Variants in APC observed in about 807,000 individuals in gnomAD.
APC encodes the protein APC regulator of Wnt signaling pathway, also known as adenomatous polyposis coli protein.
APC carries 72 observed loss-of-function variants against 247.0 expected under a neutral mutation model. The observed-to-expected ratio is 0.29, with a 90% CI of 0.24 to 0.35. The LOEUF (loss-of-function observed/expected upper bound fraction) is 0.35. Ranked by LOEUF, APC falls within the 10% of genes least tolerant of loss-of-function variation. The probability of loss-of-function intolerance (pLI) is 1.00; values close to 1 mark genes in which losing one functional copy is unlikely to be tolerated. For missense variants in APC, 3,400 were observed against 3,360.7 expected (o/e 1.01, Z -0.29); for synonymous variants, 1,254 against 1,162.5 (o/e 1.08, Z -1.60).
At chr5:112,730,423 C>T (rs754482517) in intron 1 of APC, among the ~76,000 whole-genome samples, 11 of 152,128 alleles carry the variant, frequency 7.2e-5, no homozygotes, top group African/African-American at 1.7e-4. Context: ...GCTTTGAAGG[C>T]GGACTGCCAT....
intron 1 of APC, among the ~76,000 whole-genome samples, chr5:112,732,765 T>C (rs1179955640): frequency 6.6e-6 from 1 of 152,114 alleles, no homozygotes; most frequent in Non-Finnish European, 1.5e-5. Context: ...ATAAAAGATG[T>C]AGGAACAATG....
At position 112,755,010 on chromosome 5, in the gene APC, G is replaced by T. The variant is rs142720069; in HGVS notation, c.120G>T (p.Glu40Asp). Residue 40 changes from glutamate to aspartate, a missense_variant, in exon 2 of 16, where the codon GAG becomes GAT. This residue lies in a region of APC where 372 missense variants were observed against 367.6 expected (regional missense o/e 1.01). Coordinates refer to ENST00000257430, the MANE Select transcript of APC (RefSeq NM_000038.6). ...ATCATCTTACAAAACTGGAAACTGA[G>T]GCATCTAATATGAAGGTATCAAGAC... Reference protein sequence around the residue: ...NSNHLTKLETEASNMKEVLKQ... With the variant: ...NSNHLTKLETDASNMKEVLKQ... 6.2e-7 allele frequency: 1 copy of T among 1,613,606 alleles called. No individual in the cohort carries two copies. The highest frequency in any genetic ancestry group is 8.5e-7 in the Non-Finnish European group (1 of 1,179,704).
intron 2 of APC, 171 bp downstream of exon 2, chr5:112,755,196 T>A: frequency 2.0e-6 from 1 of 512,596 alleles, no homozygotes; most frequent in Non-Finnish European, 2.5e-6. Context: ...ATATATTGAA[T>A]TCATTCAGTG....
rs1006392625 is a variant in APC, at chr5:112,821,854, A to C, written c.1313-42A>C. 2.7e-6 allele frequency: 4 copies of C among 1,477,784 alleles called. No individual in the cohort carries two copies. In the Admixed American group the frequency reaches 6.7e-5, roughly 25 times the overall value. The allele number at this position is 1,477,784 out of a possible 1,614,324, so 91.5% of individuals were successfully genotyped here. ...AGTACAATAAACATCATTGCTCTTCAAATAACAAAGCATTATGGTTTATGT... is the reference window on the plus strand; with the variant it reads ...AGTACAATAAACATCATTGCTCTTCCAATAACAAAGCATTATGGTTTATGT... On this transcript the variant is annotated intron_variant, in intron 10 of 15. Transcript: ENST00000257430.
At chr5:112,791,719 A>G (rs913611691) in intron 6 of APC, among the ~76,000 whole-genome samples, 2 of 152,168 alleles carry the variant, frequency 1.3e-5, no homozygotes, top group East Asian at 1.9e-4. Context: ...CTGGTATACT[A>G]TGTTTATATA....
At chr5:112,825,487 G>A (rs1763552698) in intron 11 of APC, among the ~76,000 whole-genome samples, 1 of 152,170 alleles carries the variant, frequency 6.6e-6, no homozygotes, top group South Asian at 2.1e-4. Context: ...TTCAGGCCCA[G>A]GGGCCCTTTC....
chr5:112,801,257 G>C lies in APC; in HGVS notation c.730-22G>C, dbSNP rs115634618. On this transcript the variant is annotated intron_variant, in intron 7 of 15. Coordinates refer to ENST00000257430, the MANE Select transcript of APC (RefSeq NM_000038.6). The stretch of plus-strand genomic sequence containing the variant: ...AGCCTACACCATTTTTGCATGTACT[G>C]ATGTTAACTCCATCTTAACAGAGGT... 5.2e-4 allele frequency: 838 copies of C among 1,599,252 alleles called. 1 individual carries two copies. The highest frequency in any genetic ancestry group is 1.2e-3 in the Middle Eastern group (7 of 6,020).
At chr5:112,811,684 G>T (rs531409728) in intron 8 of APC, among the ~76,000 whole-genome samples, 2 of 152,326 alleles carry the variant, frequency 1.3e-5, no homozygotes, top group East Asian at 3.9e-4. Context: ...ATGTTTTATT[G>T]TGGAAACAGG....
chr5:112,725,716 A>C (rs549447603), intron 1 of APC, among the ~76,000 whole-genome samples: 1 of 152,144 alleles, frequency 6.6e-6, no homozygotes, highest in Non-Finnish European at 1.5e-5. Flanking sequence ...AGGTGTGATC[A>C]TGCCACTGCA....
At position 112,775,683 on chromosome 5, in the gene APC, C is replaced by G. The variant is rs863224281; in HGVS notation, c.477C>G (p.Tyr159Ter). ...AAGAAAAGGAAAAAGACTGGTATTACGCTCAACTTCAGAATCTCACTAAAA... is the reference window on the plus strand; with the variant it reads ...AAGAAAAGGAAAAAGACTGGTATTAGGCTCAACTTCAGAATCTCACTAAAA... ...DKEEKEKDWY[Y>*]AQLQNLTKRI... The change falls in exon 5 of 16, where the codon TAC (tyrosine) becomes TAG (stop). Residue 159 changes from tyrosine to a stop codon, truncating the protein, a stop_gained. Coordinates refer to ENST00000257430, the MANE Select transcript of APC (RefSeq NM_000038.6). LOFTEE classifies it high-confidence loss of function. 6.2e-7 allele frequency: 1 copy of G among 1,606,910 alleles called. No homozygotes were observed. The highest frequency in any genetic ancestry group is 8.5e-7 in the Non-Finnish European group (1 of 1,176,998).
intron 8 of APC, among the ~76,000 whole-genome samples, chr5:112,805,008 TAAAAAA>T (rs574688971): frequency 7.0e-6 from 1 of 142,114 alleles, no homozygotes; most frequent in East Asian, 2.0e-4. Flanking sequence ...GTCTAAAAAA[TAAAAAA>T]AAAAACTTAA....
chr5:112,737,554 G>T (rs1043848779), upstream of APC, among the ~76,000 whole-genome samples: 1 of 152,154 alleles, frequency 6.6e-6, no homozygotes, highest in Non-Finnish European at 1.5e-5. Context: ...CCCACCTCCG[G>T]CATCTTGTGC....
chr5:112,830,533 A>C (rs775527382), intron 14 of APC, among the ~76,000 whole-genome samples: 2 of 152,190 alleles, frequency 1.3e-5, no homozygotes, highest in Non-Finnish European at 1.5e-5. Context: ...ATATGACCCA[A>C]CCATTCCACT....
rs1766393148 is a variant in APC at position 112,842,752 on chromosome 5, G to C, written c.7158G>C (p.Lys2386Asn). Residue 2386 changes from lysine to asparagine, a missense_variant, in exon 16 of 16, where the codon AAG (lysine) becomes AAC (asparagine). Physicochemically the swap from Lys to Asn is moderately conservative, Grantham distance 94. Transcript: ENST00000257430. Reference sequence around the variant, plus strand: ...TTACCAAACAAACAGGTTTATCCAAGAATGCCAGTAGTATTCCAAGAAGTG... The same window carrying C: ...TTACCAAACAAACAGGTTTATCCAACAATGCCAGTAGTATTCCAAGAAGTG... ...QNLTKQTGLSKNASSIPRSES... is the reference protein window; with the variant it reads ...QNLTKQTGLSNNASSIPRSES... The C allele has an allele frequency of 1.2e-6, 2 of 1,613,992 alleles. No homozygotes were observed. The highest frequency in any genetic ancestry group is 3.3e-5 in the Admixed American group (2 of 60,018).
At chr5:112,718,743 ATTGTCT>A (rs574345148) in intron 1 of APC, among the ~76,000 whole-genome samples, 40 of 152,266 alleles carry the variant, frequency 2.6e-4, no homozygotes, top group Admixed American at 5.2e-4. Context: ...AGCTTTTTAA[ATTGTCT>A]TTGTAAGGAT....
chr5:112,712,911 C>G (rs1041972412), intron 1 of APC, among the ~76,000 whole-genome samples: 1 of 152,162 alleles, frequency 6.6e-6, no homozygotes, highest in Non-Finnish European at 1.5e-5. Context: ...TGGCTCACGC[C>G]TGTAATCCCA....
intron 14 of APC, among the ~76,000 whole-genome samples, chr5:112,834,061 C>A (rs938284900): frequency 1.3e-5 from 2 of 151,858 alleles, no homozygotes; most frequent in African/African-American, 4.8e-5. Flanking sequence ...AAGTGATCCT[C>A]CCAAGCAGCT....
chr5:112,769,043 T>C (rs1423500312), intron 4 of APC, among the ~76,000 whole-genome samples: 2 of 137,512 alleles, frequency 1.5e-5, no homozygotes, highest in Admixed American at 1.6e-4. Context: ...TTTTTCTTTT[T>C]TTTCTTCTTT....
At chr5:112,735,002 G>A (rs1329933161), upstream of APC, among the ~76,000 whole-genome samples, 3 of 152,074 alleles carry the variant, frequency 2.0e-5, no homozygotes, top group East Asian at 1.9e-4. Context: ...AGAAGGTTCA[G>A]AAGGGTTTTT....
Sources: gnomAD v4.1 joint callset for allele counts (sites outside exome capture counted in the v4.1 genomes callset) on GRCh38, gnomAD v4.1.1 for gene constraint, gnomAD v4.1.1 regional missense constraint, MANE v1.5 for transcripts, NCBI Gene and HGNC (gene_info 2026-07-23, HGNC 2026-07-21) for gene names.